Variants in CFAP210 observed in about 807,000 individuals in gnomAD.
The protein encoded by CFAP210 is cilia and flagella associated protein 210.
chr2:169,647,757 G>C, the CFAP210 span, among the ~76,000 whole-genome samples: 2 of 152,108 alleles, frequency 1.3e-5, no homozygotes, highest in African/African-American at 4.8e-5. Context: ...GAGTAAAAAG[G>C]TAACTCATGG....
chr2:169,651,801 CTCTG>C, the CFAP210 span, among the ~76,000 whole-genome samples: 3 of 152,150 alleles, frequency 2.0e-5, no homozygotes, highest in East Asian at 3.9e-4. Context: ...CCTCACAATA[CTCTG>C]TCTGGAATTT....
At chr2:169,650,639 C>T in the CFAP210 span, 1 of 1,199,738 alleles carries the variant, frequency 8.3e-7, no homozygotes, top group African/African-American at 1.6e-5. Flanking sequence ...AACAGGAGCC[C>T]CATTGCTCCT....
the CFAP210 span, among the ~76,000 whole-genome samples, chr2:169,690,068 G>A: frequency 2.6e-5 from 4 of 152,140 alleles, no homozygotes; most frequent in African/African-American, 7.2e-5. Flanking sequence ...CTATTTACAA[G>A]TGTGACCATA....
chr2:169,665,585 A>G, the CFAP210 span, among the ~76,000 whole-genome samples: 1 of 152,212 alleles, frequency 6.6e-6, no homozygotes, highest in Non-Finnish European at 1.5e-5. Flanking sequence ...AAAGAAAGGC[A>G]AATTTATTAG....
the CFAP210 span, among the ~76,000 whole-genome samples, chr2:169,674,041 G>A: frequency 6.6e-6 from 1 of 152,188 alleles, no homozygotes; most frequent in South Asian, 2.1e-4. Flanking sequence ...TTGTTGTTGG[G>A]GTTGGCCATG....
chr2:169,681,234 C>A, the CFAP210 span: 1 of 1,589,578 alleles, frequency 6.3e-7, no homozygotes, highest in Non-Finnish European at 8.6e-7. Flanking sequence ...TTTCTTATTT[C>A]TAATAAATTG....
the CFAP210 span, chr2:169,661,019 C>A: frequency 0.4 from 193,899 of 485,446 alleles, 40,043 homozygotes; most frequent in Middle Eastern, 0.46. Context: ...AAATGAAGAA[C>A]TTCTGAAAAC....
At chr2:169,655,390 C>T in the CFAP210 span, among the ~76,000 whole-genome samples, 2 of 152,312 alleles carry the variant, frequency 1.3e-5, no homozygotes, top group African/African-American at 4.8e-5. Flanking sequence ...TCAGGGTCTA[C>T]TATGTGCCCA....
the CFAP210 span, among the ~76,000 whole-genome samples, chr2:169,691,651 T>C: frequency 6.6e-6 from 1 of 152,246 alleles, no homozygotes; most frequent in African/African-American, 2.4e-5. Context: ...AGACACTTTC[T>C]ATTGAAACCT....
the CFAP210 span, among the ~76,000 whole-genome samples, chr2:169,655,919 T>A: frequency 6.6e-6 from 1 of 152,210 alleles, no homozygotes; most frequent in African/African-American, 2.4e-5. Flanking sequence ...AAACAATTAG[T>A]TGCCTAAGCT....
chr2:169,645,942 G>A, the CFAP210 span: 1 of 1,613,900 alleles, frequency 6.2e-7, no homozygotes, highest in African/African-American at 1.3e-5. Flanking sequence ...TCATTTGCCT[G>A]ATAGCTGGGT....
chr2:169,686,952 G>T, the CFAP210 span, among the ~76,000 whole-genome samples: 2 of 152,144 alleles, frequency 1.3e-5, no homozygotes, highest in African/African-American at 2.4e-5. Context: ...CCACATGGCT[G>T]GGGAGGCCTC....
At chr2:169,678,208 C>A in the CFAP210 span, among the ~76,000 whole-genome samples, 2 of 151,416 alleles carry the variant, frequency 1.3e-5, no homozygotes, top group African/African-American at 4.8e-5. Context: ...GGCATGGTGG[C>A]GCATGCCTGT....
At chr2:169,663,796 T>TAAA in the CFAP210 span, among the ~76,000 whole-genome samples, 2 of 144,232 alleles carry the variant, frequency 1.4e-5, no homozygotes, top group African/African-American at 5.1e-5. Flanking sequence ...AAAATAATAA[T>TAAA]AAAAAAAAAA....
At chr2:169,678,554 G>A in the CFAP210 span, among the ~76,000 whole-genome samples, 1 of 152,078 alleles carries the variant, frequency 6.6e-6, no homozygotes, top group African/African-American at 2.4e-5. Context: ...GCCAGGTACA[G>A]TGTCTCACGC....
chr2:169,673,021 G>T, the CFAP210 span, among the ~76,000 whole-genome samples: 1 of 152,196 alleles, frequency 6.6e-6, no homozygotes, highest in African/African-American at 2.4e-5. Flanking sequence ...TGAGAGTACA[G>T]TGAGGATAGG....
At chr2:169,655,504 C>T in the CFAP210 span, among the ~76,000 whole-genome samples, 1 of 152,162 alleles carries the variant, frequency 6.6e-6, no homozygotes, top group African/African-American at 2.4e-5. Flanking sequence ...CTAAAGCAAA[C>T]AGCAAACTGT....
the CFAP210 span, among the ~76,000 whole-genome samples, chr2:169,679,920 C>G: frequency 1.3e-5 from 2 of 152,032 alleles, no homozygotes; most frequent in Non-Finnish European, 2.9e-5. Context: ...ATAAACCATA[C>G]TTCACTAAAA....
chr2:169,669,685 T>C, the CFAP210 span, among the ~76,000 whole-genome samples: 1 of 148,988 alleles, frequency 6.7e-6, no homozygotes, highest in African/African-American at 2.5e-5. Flanking sequence ...ACTGGTTGGA[T>C]AAAGATGCCG....
Sources: gnomAD v4.1 joint callset for allele counts (sites outside exome capture counted in the v4.1 genomes callset) on GRCh38, gnomAD v4.1.1 for gene constraint, MANE v1.5 for transcripts, NCBI Gene and HGNC (gene_info 2026-07-23, HGNC 2026-07-21) for gene names.